The following GALK2 variants were observed in gnomAD, a reference collection of about 807,000 sequenced individuals.
GALK2 encodes galactokinase 2.
GALK2 carries 36 observed loss-of-function variants against 52.4 expected under a neutral mutation model. The observed-to-expected ratio is 0.69, with a 90% CI of 0.53 to 0.91. The LOEUF is 0.91. Among genes scored for constraint, GALK2 ranks in the 40% least tolerant of loss-of-function variants. The pLI, the probability that GALK2 is intolerant of heterozygous loss-of-function variation, is 0.00. For synonymous variants in GALK2, 176 were observed against 199.1 expected, an observed-to-expected ratio of 0.88 and a Z score of 0.98; for missense variants, 579 against 559.1, an observed-to-expected ratio of 1.04 and a Z score of -0.36.
intron 3 of GALK2, among the ~76,000 whole-genome samples, chr15:49,226,354 C>T (rs1315472795): frequency 6.6e-6 from 1 of 152,134 alleles, no homozygotes; most frequent in Admixed American, 6.5e-5. Context: ...TCAGCAACCC[C>T]ACACAAGGTT....
intron 5 of GALK2, among the ~76,000 whole-genome samples, chr15:49,259,641 C>A (rs2091996306): frequency 6.7e-6 from 1 of 148,818 alleles, no homozygotes; most frequent in South Asian, 2.1e-4. Context: ...AGGTTAGTTA[C>A]ATATGTATAC....
chr15:49,234,851 C>G (rs1797812200), intron 3 of GALK2, among the ~76,000 whole-genome samples: 1 of 152,012 alleles, frequency 6.6e-6, no homozygotes, highest in African/African-American at 2.4e-5. Context: ...ACTGCAACCT[C>G]TACCTCCCGG....
At chr15:49,264,806 C>G (rs2092292098) in intron 5 of GALK2, among the ~76,000 whole-genome samples, 1 of 152,238 alleles carries the variant, frequency 6.6e-6, no homozygotes, top group Admixed American at 6.5e-5. Context: ...GGACCCTCAG[C>G]TGCAGGTCTG....
chr15:49,323,009 A>G (rs923859628), intron 9 of GALK2, among the ~76,000 whole-genome samples: 41 of 150,536 alleles, frequency 2.7e-4, no homozygotes, highest in African/African-American at 8.7e-4. Flanking sequence ...GAAAGTAATG[A>G]GGCAAGAAGG....
chr15:49,361,204 T>C (rs1381445320), intron 3 of GALK2, among the ~76,000 whole-genome samples: 2 of 152,162 alleles, frequency 1.3e-5, no homozygotes, highest in African/African-American at 4.8e-5. Flanking sequence ...ATTAAAAAAT[T>C]AATTTAAAAA....
At chr15:49,199,642 C>G (rs1173067840) in intron 1 of GALK2, among the ~76,000 whole-genome samples, 1 of 147,680 alleles carries the variant, frequency 6.8e-6, no homozygotes, top group East Asian at 1.9e-4. Context: ...TAAACTCTGC[C>G]AAGCTGATTA....
chr15:49,196,956 T>C (rs932832663), intron 1 of GALK2, among the ~76,000 whole-genome samples: 1 of 152,192 alleles, frequency 6.6e-6, no homozygotes, highest in Non-Finnish European at 1.5e-5. Flanking sequence ...TAGCTAGGCA[T>C]GGCAGCATGC....
In GALK2 at chr15:49,283,550, A is replaced by G; in HGVS notation, c.604-16A>G. 6.3e-7 allele frequency: 1 copy of G among 1,591,958 alleles called. No homozygotes were observed. Among genetic ancestry groups the G allele is most frequent in the South Asian group, 1.1e-5 (1 of 88,556 alleles). ...TCTAATAAATTATATTTCTCCTTTC[A>G]TTTTTCTTCTAACAGGCCAAGTTGA... On this transcript the variant is annotated splice_polypyrimidine_tract_variant and intron_variant, in intron 6 of 9. Transcript: ENST00000560031.
rs1245372763 is a variant in GALK2, at chr15:49,319,608, C to T, written c.972C>T (p.Leu324=). 11 of 1,613,924 alleles carry T rather than the reference C, an allele frequency of 6.8e-6. No individual in the cohort carries two copies. Among genetic ancestry groups the T allele is most frequent in the South Asian group, 2.2e-5 (2 of 91,042 alleles). ...CCCATCCTCTTCCTTCCTCAGTGCT[C>T]ATCTTCAAACTCTATCAGCGGGCAA... ...QILSPNTQDV[L]IFKLYQRAKH... Residue 324 remains leucine (L), a synonymous_variant, in exon 9 of 10, where the codon CTC becomes CTT. Transcript: ENST00000560031.
At chr15:49,237,180 C>G (rs1282382456) in intron 4 of GALK2, among the ~76,000 whole-genome samples, 1 of 152,164 alleles carries the variant, frequency 6.6e-6, no homozygotes, top group Non-Finnish European at 1.5e-5. Context: ...TATTTTTGAG[C>G]ATTTCAGGTT....
chr15:49,311,368 C>A (rs2035976251), intron 8 of GALK2, among the ~76,000 whole-genome samples: 1 of 152,214 alleles, frequency 6.6e-6, no homozygotes, highest in South Asian at 2.1e-4. Flanking sequence ...GCATGACATA[C>A]AAAGTCCTCA....
At chr15:49,359,031 C>A (rs1432235039) in intron 3 of GALK2, among the ~76,000 whole-genome samples, 1 of 151,938 alleles carries the variant, frequency 6.6e-6, no homozygotes, top group Non-Finnish European at 1.5e-5. Flanking sequence ...AACTGGCTAG[C>A]CATATGTATA....
Position 49,268,186 on chromosome 15 carries a change from C to T in GALK2, c.505-13801C>T, listed in dbSNP as rs192659523. ...GACTCCTCCCCTCATGGAGCTTAGACTAATGGAGGAAGACTAATATTAAAC... is the reference window on the plus strand; with the variant it reads ...GACTCCTCCCCTCATGGAGCTTAGATTAATGGAGGAAGACTAATATTAAAC... On this transcript the variant is annotated intron_variant, in intron 5 of 9. Transcript: ENST00000560031. Among the ~76,000 whole-genome samples the T allele has an allele frequency of 1.1e-4, 16 of 152,250 alleles. No homozygotes were observed. The East Asian group carries it at 2.1e-3, about 20-fold the overall frequency.
chr15:49,224,696 C>T (rs1188624737), intron 3 of GALK2, among the ~76,000 whole-genome samples: 1 of 152,118 alleles, frequency 6.6e-6, no homozygotes, highest in African/African-American at 2.4e-5. Context: ...GTCTGTGTAT[C>T]TGTTTTTGTA....
upstream of GALK2, among the ~76,000 whole-genome samples, chr15:49,168,365 A>G (rs760163348): frequency 1.3e-5 from 2 of 152,112 alleles, no homozygotes; most frequent in Non-Finnish European, 2.9e-5. Context: ...AAAATTCAAA[A>G]CTTTAAAATT....
At chr15:49,333,356 TTA>T (rs1273445713), downstream of GALK2, among the ~76,000 whole-genome samples, 4 of 152,198 alleles carry the variant, frequency 2.6e-5, no homozygotes, top group Non-Finnish European at 5.9e-5. Context: ...CACGTGAGAT[TTA>T]TATATCCAAA....
chr15:49,190,146 T>C (rs549798897), intron 1 of GALK2, among the ~76,000 whole-genome samples: 5 of 152,358 alleles, frequency 3.3e-5, no homozygotes, highest in Admixed American at 3.3e-4. Context: ...ATCAGGTATC[T>C]TCAAAGGAAA....
chr15:49,343,101 T>C (rs2040982504), intron 3 of GALK2, among the ~76,000 whole-genome samples: 2 of 152,180 alleles, frequency 1.3e-5, no homozygotes, highest in South Asian at 4.1e-4. Flanking sequence ...ACTTTTTGAA[T>C]TATTCCTTCA....
chr15:49,220,798 A>C lies in GALK2; in HGVS notation c.266+3485A>C, dbSNP rs547934601. ...TCTAACTTGGGTAAGATGATGTCTC[A>C]TTGTGGTTTTGATTTCCATTTTGCT... On this transcript the variant is annotated intron_variant, in intron 3 of 9. Coordinates refer to ENST00000560031, the MANE Select transcript of GALK2 (RefSeq NM_002044.4). Among the ~76,000 whole-genome samples, 3 of 152,262 alleles carry C rather than the reference A, an allele frequency of 2.0e-5. No homozygotes were observed. In the East Asian group the frequency reaches 5.8e-4, roughly 29 times the overall value.
Sources: allele counts gnomAD v4.1 joint callset (sites outside exome capture counted in the v4.1 genomes callset), GRCh38; gene constraint gnomAD v4.1.1; transcripts MANE v1.5; gene names NCBI Gene and HGNC (gene_info 2026-07-23, HGNC 2026-07-21).